The following PAX7 variants were observed in gnomAD, a reference collection of about 807,000 sequenced individuals.
PAX7 encodes paired box protein Pax-7.
A neutral mutation model predicts 50.7 loss-of-function variants in PAX7; 18 were observed. The observed-to-expected ratio is 0.36, with a 90% CI of 0.25 to 0.53. The LOEUF (loss-of-function observed/expected upper bound fraction) is 0.53. Among genes scored for constraint, PAX7 ranks in the 20% least tolerant of loss-of-function variants. The pLI is 0.93. For synonymous variants in PAX7, 310 were observed against 290.4 expected, an observed-to-expected ratio of 1.07 and a Z score of -0.69; for missense variants, 644 against 702.9, an observed-to-expected ratio of 0.92 and a Z score of 0.95.
At chr1:18,741,985 T>C (rs1199131791) in intron 8 of PAX7, among the ~76,000 whole-genome samples, 1 of 152,210 alleles carries the variant, frequency 6.6e-6, no homozygotes, top group African/African-American at 2.4e-5. Context: ...TTCCATCATC[T>C]GTAAGATGCG....
In PAX7 at chr1:18,746,110, A is replaced by C. The variant is rs1208648026; in HGVS notation, c.*1181A>C. 1 of 231,702 alleles carries C rather than the reference A, an allele frequency of 4.3e-6. No homozygotes were observed. Among genetic ancestry groups the C allele is most frequent in the Admixed American group, 5.6e-5 (1 of 17,736 alleles). 14.4% of individuals were successfully genotyped at this position (231,702 alleles called of 1,614,324 possible). Reference sequence around the variant, plus strand: ...AGAGCTACCCTCAGAGCTTTGGAGGAGGGTTGTAGACTGGGCAGGGATGGT... The same window carrying C: ...AGAGCTACCCTCAGAGCTTTGGAGGCGGGTTGTAGACTGGGCAGGGATGGT... On this transcript the variant is annotated 3_prime_UTR_variant, in exon 9 of 9. Transcript: ENST00000420770.
chr1:18,740,653 T>C (rs1428112889), intron 8 of PAX7, among the ~76,000 whole-genome samples: 1 of 152,152 alleles, frequency 6.6e-6, no homozygotes, highest in Non-Finnish European at 1.5e-5. Context: ...ACCATATTTA[T>C]CAAAAGGATA....
At chr1:18,647,056 C>A (rs1401532180) in intron 4 of PAX7, among the ~76,000 whole-genome samples, 10 of 139,680 alleles carry the variant, frequency 7.2e-5, no homozygotes, top group Non-Finnish European at 1.2e-4. Context: ...GGGCGACCCG[C>A]GCGGGAAGGG....
At chr1:18,737,295 C>G (rs1184154491) in intron 8 of PAX7, among the ~76,000 whole-genome samples, 2 of 152,370 alleles carry the variant, frequency 1.3e-5, no homozygotes, top group South Asian at 2.1e-4. Context: ...CAGCCCAGCC[C>G]TGGGCCAGCC....
intron 6 of PAX7, among the ~76,000 whole-genome samples, chr1:18,701,049 C>G (rs776029651): frequency 9.0e-4 from 137 of 152,294 alleles, no homozygotes; most frequent in Middle Eastern, 3.4e-3. Context: ...CTGAGCTTCT[C>G]AAATGGTACC....
At chr1:18,730,752 G>C (rs543405589) in intron 7 of PAX7, among the ~76,000 whole-genome samples, 13 of 152,320 alleles carry the variant, frequency 8.5e-5, no homozygotes, top group African/African-American at 3.1e-4. Context: ...TCCCAGGGGA[G>C]GGGGCGGTGA....
At chr1:18,672,987 A>G (rs72650304) in intron 4 of PAX7, among the ~76,000 whole-genome samples, 17,778 of 152,016 alleles carry the variant, frequency 0.12, 1,238 homozygotes, top group East Asian at 0.28. Flanking sequence ...GAGGAGGTAA[A>G]AGATTGTGGA....
At chr1:18,690,979 G>C (rs924049308) in intron 4 of PAX7, among the ~76,000 whole-genome samples, 1 of 152,176 alleles carries the variant, frequency 6.6e-6, no homozygotes, top group African/African-American at 2.4e-5. Flanking sequence ...CTCTGGACAC[G>C]TGCACTTTTT....
At chr1:18,732,013 C>A (rs1297466716) in intron 7 of PAX7, among the ~76,000 whole-genome samples, 2 of 152,150 alleles carry the variant, frequency 1.3e-5, no homozygotes, top group African/African-American at 2.4e-5. Flanking sequence ...TCTCGTGATT[C>A]AGCCCCCTCA....
chr1:18,732,936 GC>G (rs921960924), intron 7 of PAX7, among the ~76,000 whole-genome samples: 2 of 152,110 alleles, frequency 1.3e-5, no homozygotes, highest in African/African-American at 4.8e-5. Flanking sequence ...TAGTCTCCCA[GC>G]CCCCGTCAAC....
chr1:18,707,418 T>C (rs1160930766), intron 7 of PAX7, among the ~76,000 whole-genome samples: 8 of 135,004 alleles, frequency 5.9e-5, no homozygotes, highest in African/African-American at 1.2e-4. Context: ...TTTCTTTCTT[T>C]TTTTTTTTTT....
At position 18,631,701 on chromosome 1, in the gene PAX7, A is replaced by G. The variant is rs756237718; in HGVS notation, c.85+13A>G. 3.2e-5 allele frequency: 51 copies of G among 1,606,406 alleles called. No individual in the cohort carries two copies. The African/African-American group carries it at 6.1e-4, about 19-fold the overall frequency. On this transcript the variant is annotated intron_variant, in intron 1 of 8. Transcript: ENST00000420770. ...TTCCCTTTGGAAGGTAAGAACGCCC[A>G]GGCTGGCCTCGCCGCGACTCCGCCG...
intron 7 of PAX7, among the ~76,000 whole-genome samples, chr1:18,712,818 A>T (rs980149977): frequency 1.3e-5 from 2 of 152,170 alleles, no homozygotes; most frequent in African/African-American, 4.8e-5. Context: ...GTGGTGGCTC[A>T]CGCCTGTAAT....
intron 4 of PAX7, among the ~76,000 whole-genome samples, chr1:18,684,913 C>T (rs1274699921): frequency 1.3e-5 from 2 of 152,080 alleles, no homozygotes; most frequent in South Asian, 4.2e-4. Flanking sequence ...TCCACTGATC[C>T]GGGATGGGTG....
Position 18,634,476 on chromosome 1 carries a change from C to A in PAX7, c.259C>A (p.Leu87Ile), listed in dbSNP as rs1312917886. The A allele has an allele frequency of 2.5e-6, 4 of 1,614,060 alleles. No homozygotes were observed. Among genetic ancestry groups the A allele is most frequent in the Non-Finnish European group, 2.5e-6 (3 of 1,180,056 alleles). Residue 87 changes from leucine to isoleucine, a missense_variant, in exon 2 of 9, where the codon CTT becomes ATT. By Grantham distance (5) the Leu-to-Ile change is conservative. Coordinates refer to ENST00000420770, the MANE Select transcript of PAX7 (RefSeq NM_001135254.2). The surrounding 1 kb of genome is among the most constrained non-coding windows in gnomAD (Gnocchi z 4.0). The stretch of plus-strand genomic sequence containing the variant: ...CTCCCACGGCTGCGTCTCCAAGATT[C>A]TTTGCCGCTACCAGGAGACCGGGTC... ...RVSHGCVSKI[L>I]CRYQETGSIR...
intron 8 of PAX7, chr1:18,736,143 A>T (rs1284731832): frequency 1.6e-6 from 1 of 637,334 alleles, no homozygotes; most frequent in Non-Finnish European, 2.7e-6. Context: ...ATATCACTTA[A>T]CATTTCTAGT....
At chr1:18,716,972 T>G in intron 7 of PAX7, among the ~76,000 whole-genome samples, 1 of 5,336 alleles carries the variant, frequency 1.9e-4, no homozygotes, top group Non-Finnish European at 3.4e-4. Flanking sequence ...AGGGCGGGGG[T>G]TGGGGCGGCG....
chr1:18,651,438 T>C (rs1183374577), intron 4 of PAX7, among the ~76,000 whole-genome samples: 2 of 152,258 alleles, frequency 1.3e-5, no homozygotes, highest in Non-Finnish European at 2.9e-5. Context: ...AATCCTTCTC[T>C]ATCCCTAGCA....
intron 8 of PAX7, among the ~76,000 whole-genome samples, chr1:18,742,591 G>A (rs1218616853): frequency 6.6e-6 from 1 of 152,212 alleles, no homozygotes; most frequent in African/African-American, 2.4e-5. Flanking sequence ...CACAGAGTAA[G>A]GGGCAGACCC....
Sources: allele counts gnomAD v4.1 joint callset (sites outside exome capture counted in the v4.1 genomes callset), GRCh38; gene constraint gnomAD v4.1.1; non-coding constraint Gnocchi (gnomAD v3.1); transcripts MANE v1.5; gene names NCBI Gene and HGNC (gene_info 2026-07-23, HGNC 2026-07-21).